STK32A: variants seen among roughly 807,000 people sequenced by gnomAD.
STK32A encodes the protein serine/threonine kinase 32A, also known as serine/threonine-protein kinase 32A.
STK32A carries 41 observed loss-of-function variants against 53.2 expected under a neutral mutation model. The observed-to-expected ratio is 0.77, with a 90% CI of 0.60 to 1.00. The LOEUF (loss-of-function observed/expected upper bound fraction) is 1.00. STK32A is among the 50% of genes least tolerant of loss of function. STK32A has a pLI of 0.00. For synonymous variants in STK32A, 166 were observed against 162.8 expected (o/e 1.02, Z -0.15); for missense variants, 458 against 485.8 (o/e 0.94, Z 0.54).
At chr5:147,360,119 G>A (rs1298197039) in intron 7 of STK32A, among the ~76,000 whole-genome samples, 2 of 152,078 alleles carry the variant, frequency 1.3e-5, no homozygotes, top group Admixed American at 6.5e-5. Flanking sequence ...CTGAGATTTT[G>A]ACATGGATTA....
chr5:147,383,985 G>A lies in STK32A; in HGVS notation c.*2G>A. 1 of 1,600,014 alleles carries A rather than the reference G, an allele frequency of 6.2e-7. No individual in the cohort carries two copies. Among genetic ancestry groups the A allele is most frequent in the Non-Finnish European group, 8.5e-7 (1 of 1,175,684 alleles). On this transcript the variant is annotated 3_prime_UTR_variant, in exon 13 of 13. Coordinates refer to ENST00000397936, the MANE Select transcript of STK32A (RefSeq NM_001112724.2). Reference sequence around the variant, plus strand: ...GATGGTCAGAATAACAACTTGTAAAGGCCTCATGTCTTCTTCTTGGGACAA... The same window carrying A: ...GATGGTCAGAATAACAACTTGTAAAAGCCTCATGTCTTCTTCTTGGGACAA...
chr5:147,259,387 T>C (rs934318676), intron 2 of STK32A, among the ~76,000 whole-genome samples: 1 of 152,164 alleles, frequency 6.6e-6, no homozygotes, highest in African/African-American at 2.4e-5. Context: ...GTTACTGGGT[T>C]AAGGATTTTT....
chr5:147,396,686 A>G, the STK32A span, among the ~76,000 whole-genome samples: 1 of 152,076 alleles, frequency 6.6e-6, no homozygotes, highest in Non-Finnish European at 1.5e-5. Flanking sequence ...TACATCATCA[A>G]CACTTCCCTG....
intron 6 of STK32A, among the ~76,000 whole-genome samples, chr5:147,345,162 C>T (rs756621750): frequency 2.6e-5 from 4 of 152,148 alleles, no homozygotes; most frequent in Non-Finnish European, 5.9e-5. Flanking sequence ...TTTCCTAGCC[C>T]CGAGAGCTTT....
intron 5 of STK32A, among the ~76,000 whole-genome samples, chr5:147,336,750 G>A (rs995343441): frequency 1.3e-5 from 2 of 152,092 alleles, no homozygotes; most frequent in Admixed American, 1.3e-4. Context: ...TCCCTCACTC[G>A]CTCTTAACAT....
Position 147,383,183 on chromosome 5 carries a change from C to A in STK32A, c.1033-258C>A, listed in dbSNP as rs148181493. The A allele has an allele frequency of 2.3e-5, 11 of 479,764 alleles. No homozygotes were observed. The East Asian group carries it at 4.6e-4, about 20-fold the overall frequency. The allele number at this position is 479,764 out of a possible 1,614,324, so 29.7% of individuals were successfully genotyped here. A position where few individuals can be genotyped will look rare whatever the true frequency, so the allele number is the denominator to read the frequency against. The stretch of plus-strand genomic sequence containing the variant: ...CTGAAAGTTGCAAGCTTTCAATAGA[C>A]TCCAGAGTTCTAAAATAGTGACATT... On this transcript the variant is annotated intron_variant, in intron 11 of 12. Transcript: ENST00000397936.
intron 8 of STK32A, among the ~76,000 whole-genome samples, chr5:147,367,958 G>A (rs1311517675): frequency 1.3e-5 from 2 of 152,208 alleles, no homozygotes; most frequent in Admixed American, 6.5e-5. Context: ...CAAGCACAGA[G>A]GAAGTGTGCT....
chr5:147,256,005 T>C (rs9687343), intron 2 of STK32A, among the ~76,000 whole-genome samples: 114,893 of 151,770 alleles, frequency 0.76, 43,731 homozygotes, highest in Admixed American at 0.82. Context: ...TGATGAAATG[T>C]CAGGGTGAAA....
At position 147,312,570 on chromosome 5, in the gene STK32A, T is replaced by C. The variant is rs918347104; in HGVS notation, c.261-11328T>C. Among the ~76,000 whole-genome samples the C allele has an allele frequency of 3.8e-4, 58 of 152,220 alleles. 1 individual carries two copies. The highest frequency in any genetic ancestry group is 1.3e-3 in the African/African-American group (54 of 41,464). On this transcript the variant is annotated intron_variant, in intron 4 of 12. Coordinates refer to ENST00000397936, the MANE Select transcript of STK32A (RefSeq NM_001112724.2). Reference sequence around the variant, plus strand: ...ACACAAGAGTGGGTGCGATCACTTATATGTGTTAAAGAAGGCATTCAAGGT... The same window carrying C: ...ACACAAGAGTGGGTGCGATCACTTACATGTGTTAAAGAAGGCATTCAAGGT...
chr5:147,348,656 C>T, intron 6 of STK32A: 1 of 762,580 alleles, frequency 1.3e-6, no homozygotes, highest in Non-Finnish European at 2.4e-6. Flanking sequence ...TCTGGCTGCT[C>T]ATCTGAATCA....
chr5:147,309,191 T>C (rs558399916), intron 4 of STK32A, among the ~76,000 whole-genome samples: 38 of 152,120 alleles, frequency 2.5e-4, no homozygotes, highest in African/African-American at 8.9e-4. Context: ...GTGGGGACCC[T>C]TCCTTCATGT....
At chr5:147,339,111 G>A (rs1300376511) in intron 5 of STK32A, among the ~76,000 whole-genome samples, 2 of 152,204 alleles carry the variant, frequency 1.3e-5, no homozygotes, top group Non-Finnish European at 2.9e-5. Flanking sequence ...GTCAGAGGTA[G>A]CCCCTCCTAT....
At chr5:147,263,870 C>T (rs1454252533) in intron 2 of STK32A, among the ~76,000 whole-genome samples, 1 of 152,022 alleles carries the variant, frequency 6.6e-6, no homozygotes, top group African/African-American at 2.4e-5. Context: ...CTATTAAATG[C>T]CCAGCACAAT....
chr5:147,339,611 C>A (rs1755305608), intron 5 of STK32A, among the ~76,000 whole-genome samples: 2 of 152,308 alleles, frequency 1.3e-5, no homozygotes, highest in African/African-American at 2.4e-5. Context: ...CAATGCCAGC[C>A]AATGAACGCA....
At chr5:147,293,077 G>C (rs1210377440) in intron 4 of STK32A, among the ~76,000 whole-genome samples, 4 of 152,098 alleles carry the variant, frequency 2.6e-5, no homozygotes, top group Non-Finnish European at 5.9e-5. Flanking sequence ...TTTCCTTGAA[G>C]GATAAGCAAA....
chr5:147,377,403 T>G (rs1416413174), intron 11 of STK32A, among the ~76,000 whole-genome samples: 3 of 152,160 alleles, frequency 2.0e-5, no homozygotes, highest in Admixed American at 2.0e-4. Flanking sequence ...AGCTCAATGT[T>G]TGAGCTTCCT....
intron 2 of STK32A, among the ~76,000 whole-genome samples, chr5:147,275,273 CT>C (rs1165215762): frequency 2.5e-4 from 38 of 151,148 alleles, no homozygotes; most frequent in Middle Eastern, 3.5e-3. Flanking sequence ...ACTAGTGATT[CT>C]TTTGTTGAAC....
At chr5:147,362,268 T>A (rs1316159691) in intron 8 of STK32A, among the ~76,000 whole-genome samples, 1 of 152,226 alleles carries the variant, frequency 6.6e-6, no homozygotes, top group Admixed American at 6.5e-5. Context: ...GCAGACAGGA[T>A]GGCTTAAATA....
chr5:147,399,020 C>T, the STK32A span: 12 of 1,580,388 alleles, frequency 7.6e-6, no homozygotes, highest in South Asian at 1.1e-4. Flanking sequence ...ACACATTTCT[C>T]CTGACCAAGT....
Sources: allele counts gnomAD v4.1 joint callset (sites outside exome capture counted in the v4.1 genomes callset), GRCh38; gene constraint gnomAD v4.1.1; transcripts MANE v1.5; gene names NCBI Gene and HGNC (gene_info 2026-07-23, HGNC 2026-07-21).